WDFY4: variants seen among roughly 807,000 people sequenced by gnomAD.
WDFY4 encodes WD repeat- and FYVE domain-containing protein 4.
WDFY4 carries 169 observed loss-of-function variants against 351.9 expected under a neutral mutation model. The ratio of observed to expected loss-of-function variants is 0.48; its 90% CI spans 0.42 to 0.55. The LOEUF (loss-of-function observed/expected upper bound fraction) is 0.55. Among genes scored for constraint, WDFY4 ranks in the 20% least tolerant of loss-of-function variants. The probability of loss-of-function intolerance (pLI) is 0.00; values close to 1 mark genes in which losing one functional copy is unlikely to be tolerated. For synonymous variants in WDFY4, 1,622 were observed against 1,574.6 expected (o/e 1.03, Z -0.71); for missense variants, 3,803 against 3,935.6 (o/e 0.97, Z 0.90).
chr10:48,714,386 T>A (rs1169641851), intron 2 of WDFY4, among the ~76,000 whole-genome samples: 1 of 152,222 alleles, frequency 6.6e-6, no homozygotes, highest in East Asian at 1.9e-4. Flanking sequence ...CTGTAGGATG[T>A]TGCAGATAAG....
At chr10:48,909,919 G>C (rs183035660) in intron 47 of WDFY4, 2 of 332,854 alleles carry the variant, frequency 6.0e-6, no homozygotes, top group East Asian at 1.2e-4. Flanking sequence ...TGTAGAGGCA[G>C]TAAGCCTTTT....
In WDFY4 at chr10:48,775,360, A is replaced by G. The variant is rs539045474; in HGVS notation, c.2769-352A>G. Among the ~76,000 whole-genome samples the G allele has an allele frequency of 2.0e-4, 30 of 152,328 alleles. No individual in the cohort carries two copies. The South Asian group carries it at 6.2e-3, about 32-fold the overall frequency. On this transcript the variant is annotated intron_variant, in intron 14 of 61. Transcript: ENST00000325239. Reference sequence around the variant, plus strand: ...GGGCGCACAGACAGCCTTTCCAGCCAGCAGACATGGGACCCAGGGGCGGGC... The same window carrying G: ...GGGCGCACAGACAGCCTTTCCAGCCGGCAGACATGGGACCCAGGGGCGGGC...
chr10:48,814,212 G>A (rs2067545825), intron 31 of WDFY4, 130 bp downstream of exon 31: 1 of 1,281,736 alleles, frequency 7.8e-7, no homozygotes, highest in Admixed American at 3.2e-5. Context: ...TGTAGAAGAG[G>A]TGAGGTAAGT....
intron 51 of WDFY4, among the ~76,000 whole-genome samples, chr10:48,956,430 C>G (rs75936853): frequency 0.04 from 6,094 of 152,210 alleles, 394 homozygotes; most frequent in African/African-American, 0.13. Context: ...CTGCCCACGT[C>G]TCTCTCTCAC....
chr10:48,974,156 G>A (rs1842449400), intron 57 of WDFY4, among the ~76,000 whole-genome samples: 1 of 152,164 alleles, frequency 6.6e-6, no homozygotes, highest in South Asian at 2.1e-4. Context: ...TGCTGCTACT[G>A]AGCCTGCTGG....
intron 47 of WDFY4, among the ~76,000 whole-genome samples, chr10:48,938,721 G>T (rs758210133): frequency 6.6e-6 from 1 of 152,158 alleles, no homozygotes; most frequent in Admixed American, 6.5e-5. Context: ...CGTCTGGGGG[G>T]GTAAAGGACA....
chr10:48,829,620 C>T (rs751186557), intron 37 of WDFY4, among the ~76,000 whole-genome samples: 3 of 152,112 alleles, frequency 2.0e-5, no homozygotes, highest in Non-Finnish European at 2.9e-5. Context: ...GAGGCCAAGG[C>T]GGGTGGATCA....
chr10:48,952,119 G>A (rs59909949), intron 51 of WDFY4, among the ~76,000 whole-genome samples: 1,729 of 152,324 alleles, frequency 0.011, 24 homozygotes, highest in African/African-American at 0.038. Flanking sequence ...GAAGCTCCTG[G>A]AGGGGTCAGT....
At position 48,845,745 on chromosome 10, in the gene WDFY4, A is replaced by T. The variant is rs185693458; in HGVS notation, c.6663+13036A>T. On this transcript the variant is annotated intron_variant, in intron 39 of 61. Coordinates refer to ENST00000325239, the MANE Select transcript of WDFY4 (RefSeq NM_001394531.1). The stretch of plus-strand genomic sequence containing the variant: ...GTACCTCTAGATGAGGATGTGTGCA[A>T]TAAAATAAGGAAATGAGATCAGGAA... Among the ~76,000 whole-genome samples, 562 of 152,338 alleles carry T rather than the reference A, an allele frequency of 3.7e-3. 4 individuals are homozygous for T. The highest frequency in any genetic ancestry group is 0.013 in the African/African-American group (536 of 41,574).
At chr10:48,979,720 T>G (rs1023771156) in intron 60 of WDFY4, 3 of 152,160 alleles carry the variant, frequency 2.0e-5, no homozygotes, top group Admixed American at 2.0e-4. Flanking sequence ...TGCCATTGGA[T>G]TTGCAGGTTC....
At chr10:48,864,366 C>A (rs1013670666) in intron 39 of WDFY4, among the ~76,000 whole-genome samples, 77 of 152,144 alleles carry the variant, frequency 5.1e-4, no homozygotes, top group African/African-American at 1.7e-3. Context: ...AGTTTTGGCA[C>A]CTTTGTAAAG....
chr10:48,820,010 G>A (rs939861576), intron 32 of WDFY4, among the ~76,000 whole-genome samples: 2 of 152,156 alleles, frequency 1.3e-5, no homozygotes, highest in Non-Finnish European at 2.9e-5. Flanking sequence ...CTGACTCTGT[G>A]GTTTAGCTTC....
chr10:48,743,126 G>A lies in WDFY4; in HGVS notation c.2037G>A (p.Glu679=). Residue 679 remains glutamate (E), a synonymous_variant, in exon 12 of 62, where the codon GAG becomes GAA. Transcript: ENST00000325239. ...WGAVSPRQTL[E]LVLYTLCAVS... ...CAGTATCCCCCAGACAGACCCTGGAGCTGGTTTTGTACACTCTCTGTGCTG... is the reference window on the plus strand; with the variant it reads ...CAGTATCCCCCAGACAGACCCTGGAACTGGTTTTGTACACTCTCTGTGCTG... 6.4e-7 allele frequency: 1 copy of A among 1,551,730 alleles called. No homozygotes were observed. The highest frequency in any genetic ancestry group is 8.7e-7 in the Non-Finnish European group (1 of 1,146,984).
intron 39 of WDFY4, among the ~76,000 whole-genome samples, chr10:48,851,548 C>T (rs1443326720): frequency 2.0e-5 from 3 of 152,200 alleles, no homozygotes; most frequent in African/African-American, 7.2e-5. Context: ...GCTGAAGTGG[C>T]CAGGACCCGT....
chr10:48,724,847 C>T (rs1246679769), intron 5 of WDFY4, among the ~76,000 whole-genome samples: 1 of 152,148 alleles, frequency 6.6e-6, no homozygotes, highest in African/African-American at 2.4e-5. Flanking sequence ...TGGGGCTTTT[C>T]TCTGTTGCCC....
At chr10:48,971,495 C>CA (rs564785820) in intron 57 of WDFY4, among the ~76,000 whole-genome samples, 6,605 of 124,340 alleles carry the variant, frequency 0.053, 376 homozygotes, top group African/African-American at 0.15. Context: ...GACTCTGTCT[C>CA]AAAAAAAAAA....
At position 48,728,337 on chromosome 10, in the gene WDFY4, C is replaced by T. The variant is rs894029821; in HGVS notation, c.971+678C>T. 2.2e-4 allele frequency among the ~76,000 whole-genome samples: 34 copies of T among 152,352 alleles called. No homozygotes were observed. The East Asian group carries it at 6.4e-3, about 28-fold the overall frequency. On this transcript the variant is annotated intron_variant, in intron 7 of 61. Transcript: ENST00000325239. The stretch of plus-strand genomic sequence containing the variant: ...GCTCCTTGCCTTCCACTCTGCCTTC[C>T]TGTATCATCTTCGAGTGGGGCCCAG...
chr10:48,763,113 A>G (rs904484814), intron 13 of WDFY4, among the ~76,000 whole-genome samples: 1 of 152,206 alleles, frequency 6.6e-6, no homozygotes. Flanking sequence ...TTAAGCCAGG[A>G]CCTACCTGGG....
At position 48,794,784 on chromosome 10, in the gene WDFY4, G is replaced by A. The variant is rs143870627; in HGVS notation, c.4258-1514G>A. Among the ~76,000 whole-genome samples the A allele has an allele frequency of 5.3e-5, 8 of 152,306 alleles. No individual in the cohort carries two copies. The East Asian group carries it at 9.7e-4, about 18-fold the overall frequency. ...AATAGCACAAACAAAGGATGGAGGC[G>A]TCCTCTTTGGATTTGGCCACCTGGA... On this transcript the variant is annotated intron_variant, in intron 23 of 61. Transcript: ENST00000325239.
Sources: gnomAD v4.1 joint callset for allele counts (sites outside exome capture counted in the v4.1 genomes callset) on GRCh38, gnomAD v4.1.1 for gene constraint, MANE v1.5 for transcripts, NCBI Gene and HGNC (gene_info 2026-07-23, HGNC 2026-07-21) for gene names.